The following CD2 variants were observed in gnomAD, a reference collection of about 807,000 sequenced individuals.
The protein encoded by CD2 is T-cell surface antigen CD2.
A neutral mutation model predicts 23.2 loss-of-function variants in CD2; 18 were observed. The ratio of observed to expected loss-of-function variants is 0.77; its 90% CI spans 0.54 to 1.15. The LOEUF is 1.15. Among genes scored for constraint, CD2 ranks in the 50% most tolerant of loss-of-function variants. The probability of loss-of-function intolerance (pLI) is 0.00; values close to 1 mark genes in which losing one functional copy is unlikely to be tolerated. For missense variants in CD2, 424 were observed against 423.1 expected (o/e 1.00, Z -0.02); for synonymous variants, 162 against 151.9 (o/e 1.07, Z -0.49).
At chr1:116,758,527 C>T (rs971227074) in intron 2 of CD2, among the ~76,000 whole-genome samples, 2 of 152,138 alleles carry the variant, frequency 1.3e-5, no homozygotes, top group African/African-American at 2.4e-5. Context: ...TTTCCACACC[C>T]TAGTCCTGCA....
Position 116,768,771 on chromosome 1 carries a change from T to C in CD2, c.1044T>C (p.Pro348=). The C allele has an allele frequency of 1.2e-6, 2 of 1,608,108 alleles. No individual in the cohort carries two copies. The highest frequency in any genetic ancestry group is 4.5e-5 in the East Asian group (2 of 44,830). Residue 348 remains proline (P), a synonymous_variant, in exon 5 of 5, where the codon CCT becomes CCC. Transcript: ENST00000369478. The stretch of plus-strand genomic sequence containing the variant: ...GGGCAGCAGAAAACTCATTGTCCCC[T>C]TCCTCTAATTAAAAAAGATAGAAAC... ...PHGAAENSLS[P]SSN
intron 4 of CD2, 65 bp from the exon 5 acceptor site, chr1:116,768,399 G>T (rs1571246204): frequency 6.8e-7 from 1 of 1,472,738 alleles, no homozygotes; most frequent in East Asian, 2.3e-5. Context: ...CATATAAAAG[G>T]TACTCAATAT....
chr1:116,757,734 A>G (rs1304082719), intron 2 of CD2, among the ~76,000 whole-genome samples: 1 of 150,322 alleles, frequency 6.7e-6, no homozygotes, highest in Admixed American at 6.8e-5. Context: ...AATTTTTAAA[A>G]TATTACATAT....
At chr1:116,762,634 G>A (rs975496814) in intron 3 of CD2, among the ~76,000 whole-genome samples, 3 of 152,184 alleles carry the variant, frequency 2.0e-5, no homozygotes, top group South Asian at 4.1e-4. Flanking sequence ...CAAAATACTA[G>A]GAGGAAGGAA....
At chr1:116,755,998 C>T (rs1324129645) in intron 2 of CD2, among the ~76,000 whole-genome samples, 3 of 152,188 alleles carry the variant, frequency 2.0e-5, no homozygotes, top group Non-Finnish European at 4.4e-5. Context: ...CAGAAAATAT[C>T]ACCAGAAGCA....
chr1:116,768,964 G>T lies in CD2; in HGVS notation c.*181G>T. On this transcript the variant is annotated 3_prime_UTR_variant, in exon 5 of 5. Coordinates refer to ENST00000369478, the MANE Select transcript of CD2 (RefSeq NM_001767.5). Reference sequence around the variant, plus strand: ...CATGTGGTCAACATCTGGAGTTTTTGGTCTCCTCAGAGAGCTCCATCACAC... The same window carrying T: ...CATGTGGTCAACATCTGGAGTTTTTTGTCTCCTCAGAGAGCTCCATCACAC... 1 of 626,564 alleles carries T rather than the reference G, an allele frequency of 1.6e-6. No homozygotes were observed. Among genetic ancestry groups the T allele is most frequent in the African/African-American group, 1.8e-5 (1 of 54,302 alleles). 38.8% of individuals were successfully genotyped at this position (626,564 alleles called of 1,614,324 possible).
At chr1:116,766,254 G>T (rs1389663495) in intron 4 of CD2, among the ~76,000 whole-genome samples, 1 of 152,220 alleles carries the variant, frequency 6.6e-6, no homozygotes, top group East Asian at 1.9e-4. Flanking sequence ...GCTGGAGTGG[G>T]TAGGCTGAGG....
chr1:116,762,616 C>T (rs925938152), intron 3 of CD2, among the ~76,000 whole-genome samples: 6 of 152,120 alleles, frequency 3.9e-5, no homozygotes, highest in Non-Finnish European at 8.8e-5. Context: ...TGTTTACATA[C>T]TTAAAATCAA....
chr1:116,765,587 A>G (rs1652192181), intron 4 of CD2, among the ~76,000 whole-genome samples: 1 of 146,710 alleles, frequency 6.8e-6, no homozygotes, highest in Admixed American at 6.7e-5. Context: ...GCCCCGAAAC[A>G]TCATCCTGAA....
At chr1:116,754,586 G>T (rs1651773631) in intron 1 of CD2, 33 bp downstream of exon 1, 2 of 1,610,402 alleles carry the variant, frequency 1.2e-6, no homozygotes, top group East Asian at 4.5e-5. Flanking sequence ...TCCCAACCCA[G>T]CTTTCCCTGA....
At chr1:116,755,668 T>C (rs1299941260) in intron 2 of CD2, among the ~76,000 whole-genome samples, 2 of 152,080 alleles carry the variant, frequency 1.3e-5, no homozygotes, top group Non-Finnish European at 2.9e-5. Context: ...TGGGTATCAT[T>C]AGGTTCTAAA....
chr1:116,757,376 A>G (rs1373214522), intron 2 of CD2, among the ~76,000 whole-genome samples: 1 of 152,054 alleles, frequency 6.6e-6, no homozygotes, highest in African/African-American at 2.4e-5. Context: ...GAGGCAATGG[A>G]GGGCCCCTTA....
rs1055585474 is a variant in CD2 at position 116,768,460 on chromosome 1, G to A, written c.737-4G>A. The A allele has an allele frequency of 1.2e-6, 2 of 1,612,012 alleles. No individual in the cohort carries two copies. Among genetic ancestry groups the A allele is most frequent in the African/African-American group, 2.7e-5 (2 of 74,744 alleles). ...TGAACTCTATTGAGGTTTTGTTGTT[G>A]CAGATGAGGAGCTGGAGACAAGAGC... On this transcript the variant is annotated splice_region_variant and splice_polypyrimidine_tract_variant and intron_variant, in intron 4 of 4. Coordinates refer to ENST00000369478, the MANE Select transcript of CD2 (RefSeq NM_001767.5).
intron 4 of CD2, 28 bp from the exon 5 acceptor site, chr1:116,768,436 G>A (rs1037996061): frequency 6.3e-7 from 1 of 1,598,380 alleles, no homozygotes; most frequent in African/African-American, 1.3e-5. Context: ...TGGCCAAGAT[G>A]AACTCTATTG....
intron 2 of CD2, 129 bp downstream of exon 2, chr1:116,755,080 A>T: frequency 1.5e-6 from 1 of 656,716 alleles, no homozygotes; most frequent in Non-Finnish European, 2.7e-6. Flanking sequence ...AACCAGATGC[A>T]TGTCTCCTGC....
At chr1:116,765,179 G>A (rs1356060184) in intron 4 of CD2, among the ~76,000 whole-genome samples, 2 of 152,314 alleles carry the variant, frequency 1.3e-5, no homozygotes, top group African/African-American at 4.8e-5. Context: ...AAAAGGTTAT[G>A]CTTGCAAGTG....
intron 4 of CD2, 127 bp from the exon 5 acceptor site, chr1:116,768,337 G>A: frequency 3.7e-6 from 3 of 814,010 alleles, no homozygotes; most frequent in East Asian, 2.7e-5. Context: ...GATAGTAGGG[G>A]CAACTTCTGC....
intron 3 of CD2, among the ~76,000 whole-genome samples, chr1:116,761,024 G>A (rs1242440927): frequency 2.0e-5 from 3 of 152,158 alleles, no homozygotes; most frequent in African/African-American, 7.2e-5. Flanking sequence ...CCTAAAGATG[G>A]TTAGTGGTCA....
chr1:116,755,396 T>C (rs929413362), intron 2 of CD2, among the ~76,000 whole-genome samples: 3 of 152,222 alleles, frequency 2.0e-5, no homozygotes, highest in African/African-American at 7.2e-5. Flanking sequence ...AGGAGTTATA[T>C]GGCAGAAAAG....
Sources: gnomAD v4.1 joint callset for allele counts (sites outside exome capture counted in the v4.1 genomes callset) on GRCh38, gnomAD v4.1.1 for gene constraint, MANE v1.5 for transcripts, NCBI Gene and HGNC (gene_info 2026-07-23, HGNC 2026-07-21) for gene names.